LRRC8D: variants seen among roughly 807,000 people sequenced by gnomAD.
LRRC8D encodes the protein leucine rich repeat containing 8 VRAC subunit D.
In LRRC8D, 20 loss-of-function variants were observed where a neutral mutation model predicts 55.8. The ratio of observed to expected loss-of-function variants is 0.36; its 90% CI spans 0.25 to 0.52. The LOEUF is 0.52. Ranked by LOEUF, LRRC8D falls within the 20% of genes least tolerant of loss-of-function variation. LRRC8D has a pLI of 0.93. For missense variants in LRRC8D, 651 were observed against 1,030.8 expected (o/e 0.63, Z 5.05); for synonymous variants, 352 against 377.0 (o/e 0.93, Z 0.77).
At chr1:89,870,317 A>T (rs1661973526) in intron 2 of LRRC8D, among the ~76,000 whole-genome samples, 1 of 151,674 alleles carries the variant, frequency 6.6e-6, no homozygotes, top group Non-Finnish European at 1.5e-5. Context: ...TCTACTAAAA[A>T]TACAAAAAAT....
chr1:89,849,377 CACAA>C (rs1661355702), intron 2 of LRRC8D, among the ~76,000 whole-genome samples: 2 of 152,006 alleles, frequency 1.3e-5, no homozygotes, highest in African/African-American at 4.8e-5. Flanking sequence ...CGATATTGAC[CACAA>C]ACAATATTGC....
chr1:89,878,801 A>G (rs1662209170), intron 2 of LRRC8D, among the ~76,000 whole-genome samples: 1 of 152,002 alleles, frequency 6.6e-6, no homozygotes, highest in African/African-American at 2.4e-5. Context: ...CCCTGTCTCT[A>G]CTAAAAATAC....
intron 2 of LRRC8D, among the ~76,000 whole-genome samples, chr1:89,848,698 G>GT (rs1661338771): frequency 6.6e-6 from 1 of 151,410 alleles, no homozygotes; most frequent in Non-Finnish European, 1.5e-5. Flanking sequence ...TGTTTTTTTG[G>GT]TTTTTTGGGG....
At chr1:89,912,944 C>A (rs1663172116) in intron 2 of LRRC8D, among the ~76,000 whole-genome samples, 1 of 152,132 alleles carries the variant, frequency 6.6e-6, no homozygotes, top group Non-Finnish European at 1.5e-5. Flanking sequence ...TGCTGAGACA[C>A]CCAAATAGAA....
At chr1:89,906,691 A>G (rs1000056223) in intron 2 of LRRC8D, among the ~76,000 whole-genome samples, 1 of 152,174 alleles carries the variant, frequency 6.6e-6, no homozygotes, top group Admixed American at 6.5e-5. Flanking sequence ...AAGTTGTGTT[A>G]GCCACTCCAT....
At chr1:89,879,072 C>T (rs1422350035) in intron 2 of LRRC8D, among the ~76,000 whole-genome samples, 1 of 152,000 alleles carries the variant, frequency 6.6e-6, no homozygotes, top group East Asian at 1.9e-4. Context: ...CTGTGCACAT[C>T]CGTGCACCCC....
At chr1:89,894,166 A>G (rs1445590319) in intron 2 of LRRC8D, among the ~76,000 whole-genome samples, 1 of 152,240 alleles carries the variant, frequency 6.6e-6, no homozygotes, top group Non-Finnish European at 1.5e-5. Flanking sequence ...TAGACAGGGA[A>G]GTCAGCTGTC....
intron 2 of LRRC8D, among the ~76,000 whole-genome samples, chr1:89,920,302 TTC>T (rs1663377970): frequency 6.6e-6 from 1 of 152,206 alleles, no homozygotes; most frequent in South Asian, 2.1e-4. Context: ...TTGTGTAAAG[TTC>T]TTTTTATATT....
intron 2 of LRRC8D, among the ~76,000 whole-genome samples, chr1:89,915,601 T>C (rs1663247478): frequency 6.6e-6 from 1 of 152,194 alleles, no homozygotes. Context: ...TTCACTCCTT[T>C]GGGCAGGGCT....
intron 2 of LRRC8D, among the ~76,000 whole-genome samples, chr1:89,845,440 G>A (rs1202947753): frequency 6.6e-6 from 1 of 152,146 alleles, no homozygotes; most frequent in African/African-American, 2.4e-5. Flanking sequence ...AATCGAGAGA[G>A]ATTCTTTTTA....
rs1022786320 is a variant in LRRC8D at position 89,826,423 on chromosome 1, C to T, written c.-148+5132C>T. ...GGGACTACAGGCACCCGCCACTGCA[C>T]ACAGCTAATTTTTTGTATTTTTAGT... is the stretch of plus-strand genomic sequence containing the variant. On this transcript the variant is annotated intron_variant, in intron 1 of 2. Coordinates refer to ENST00000337338, the MANE Select transcript of LRRC8D (RefSeq NM_001134479.2). Among the ~76,000 whole-genome samples, 49 of 152,124 alleles carry T rather than the reference C, an allele frequency of 3.2e-4. 1 individual carries two copies. The highest frequency in any genetic ancestry group is 1.1e-3 in the African/African-American group (47 of 41,516).
chr1:89,903,276 G>A (rs1260089278), intron 2 of LRRC8D, among the ~76,000 whole-genome samples: 1 of 152,198 alleles, frequency 6.6e-6, no homozygotes, highest in African/African-American at 2.4e-5. Flanking sequence ...TTGTTGGACT[G>A]ATTTTGAGTT....
At chr1:89,871,748 A>G (rs1570842434) in intron 2 of LRRC8D, among the ~76,000 whole-genome samples, 1 of 152,250 alleles carries the variant, frequency 6.6e-6, no homozygotes, top group South Asian at 2.1e-4. Context: ...TTGGCAACCC[A>G]TAGTACCTGG....
chr1:89,902,095 G>A (rs550730451), intron 2 of LRRC8D, among the ~76,000 whole-genome samples: 33 of 152,364 alleles, frequency 2.2e-4, no homozygotes, highest in African/African-American at 7.7e-4. Context: ...GGCACAAGGT[G>A]TGAGACACAC....
chr1:89,910,874 T>C (rs1252663864), intron 2 of LRRC8D, among the ~76,000 whole-genome samples: 1 of 152,222 alleles, frequency 6.6e-6, no homozygotes, highest in Non-Finnish European at 1.5e-5. Flanking sequence ...AATGGCAAGA[T>C]ACAGCCCAAG....
Position 89,933,008 on chromosome 1 carries a change from T to A in LRRC8D, c.-2-59T>A. The A allele has an allele frequency of 1.3e-6, 2 of 1,489,094 alleles. No individual in the cohort carries two copies. The highest frequency in any genetic ancestry group is 4.6e-5 in the East Asian group (2 of 43,862). The allele number at this position is 1,489,094 out of a possible 1,614,324, so 92.2% of individuals were successfully genotyped here. A position where few individuals can be genotyped will look rare whatever the true frequency, so the allele number is the denominator to read the frequency against. ...GTTAGGAGCAGGCATAGGGTTTTTCTCATTTACTCTTTTCATTTGCATCTC... is the reference window on the plus strand; with the variant it reads ...GTTAGGAGCAGGCATAGGGTTTTTCACATTTACTCTTTTCATTTGCATCTC... On this transcript the variant is annotated intron_variant, in intron 2 of 2. Transcript: ENST00000337338. The surrounding 1 kb of genome is among the most constrained non-coding windows in gnomAD (Gnocchi z 7.0).
At chr1:89,881,102 A>C (rs1450963169) in intron 2 of LRRC8D, among the ~76,000 whole-genome samples, 1 of 152,016 alleles carries the variant, frequency 6.6e-6, no homozygotes, top group Non-Finnish European at 1.5e-5. Flanking sequence ...TCCATTATTA[A>C]TCTCTTCTTT....
intron 2 of LRRC8D, among the ~76,000 whole-genome samples, chr1:89,870,921 G>C (rs1434518199): frequency 6.6e-6 from 1 of 152,152 alleles, no homozygotes; most frequent in Non-Finnish European, 1.5e-5. Flanking sequence ...ATTTAAATTT[G>C]GGTAATTTCT....
intron 2 of LRRC8D, among the ~76,000 whole-genome samples, chr1:89,927,049 A>G (rs1188593439): frequency 6.6e-6 from 1 of 152,198 alleles, no homozygotes; most frequent in Non-Finnish European, 1.5e-5. Context: ...CAGATATTGT[A>G]TGTTCCTACC....
Sources: allele counts gnomAD v4.1 joint callset (sites outside exome capture counted in the v4.1 genomes callset), GRCh38; gene constraint gnomAD v4.1.1; non-coding constraint Gnocchi (gnomAD v3.1); transcripts MANE v1.5; gene names NCBI Gene and HGNC (gene_info 2026-07-23, HGNC 2026-07-21).